The following PNPLA4 variants were observed in gnomAD, a reference collection of about 807,000 sequenced individuals.
PNPLA4 encodes the protein patatin like domain 4, phospholipase and triacylglycerol lipase.
A neutral mutation model predicts 18.3 loss-of-function variants in PNPLA4; 15 were observed. The observed-to-expected ratio is 0.82, with a 90% CI of 0.55 to 1.26. PNPLA4 has a LOEUF of 1.26. Ranked by LOEUF, PNPLA4 falls within the 50% of genes most tolerant of loss-of-function variation. The probability of loss-of-function intolerance (pLI) is 0.00; values close to 1 mark genes in which losing one functional copy is unlikely to be tolerated. For missense variants in PNPLA4, 229 were observed against 196.8 expected (o/e 1.16, Z -0.98); for synonymous variants, 88 against 85.6 (o/e 1.03, Z -0.16).
At chrX:7,903,223 T>C (rs1370414022) in intron 5 of PNPLA4, among the ~76,000 whole-genome samples, 1 of 111,831 alleles carries the variant, frequency 8.9e-6, no homozygotes, top group East Asian at 2.8e-4. Context: ...TCAACTCACT[T>C]AAAACCATGC....
At chrX:7,927,051 T>C (rs1924442115) in intron 1 of PNPLA4, among the ~76,000 whole-genome samples, 1 of 113,077 alleles carries the variant, frequency 8.8e-6, no homozygotes, top group Admixed American at 9.2e-5. Flanking sequence ...CGCCGCAGGC[T>C]GCGCTGGCGT....
In PNPLA4 at chrX:7,900,786, T is replaced by A; in HGVS notation, c.662A>T (p.Gln221Leu). ...LSLANLVRLN[Q>L]ALFPPSKRKM... ...CCTCTTGCTTGGGGGAAAAAGGGCT[T>A]GGTTGAGTCTCACCAGGTTTGCCAG... The change falls in exon 7 of 7, where the codon CAA becomes CTA. Residue 221 changes from glutamine (Q) to leucine (L), a missense_variant. Gln to Leu is a moderately radical substitution (Grantham distance 113). Coordinates refer to ENST00000381042, the MANE Select transcript of PNPLA4 (RefSeq NM_004650.3). The A allele has an allele frequency of 2.5e-6, 3 of 1,205,570 alleles. No homozygotes were observed. The highest frequency in any genetic ancestry group is 3.4e-6 in the Non-Finnish European group (3 of 891,392).
chrX:7,902,824 G>C (rs891221275), intron 5 of PNPLA4, among the ~76,000 whole-genome samples: 1 of 111,828 alleles, frequency 8.9e-6, no homozygotes, highest in Non-Finnish European at 1.9e-5. Flanking sequence ...TCAGCCCCTA[G>C]CTCTACAGAA....
chrX:7,902,283 G>C (rs891199920), intron 5 of PNPLA4, 142 bp from the exon 6 acceptor site: 8 of 509,742 alleles, frequency 1.6e-5, no homozygotes, highest in Non-Finnish European at 2.5e-5. Context: ...ATCTGTTCTG[G>C]GGGTAAAACA....
intron 4 of PNPLA4, among the ~76,000 whole-genome samples, chrX:7,912,828 T>C (rs781001092): frequency 8.9e-6 from 1 of 112,363 alleles, no homozygotes; most frequent in East Asian, 2.8e-4. Flanking sequence ...CTATAATCTT[T>C]CAACTGATAA....
rs2146766979 is a variant in PNPLA4 at position 7,921,777 on chromosome X, G to C, written c.347C>G (p.Thr116Ser). Residue 116 changes from threonine to serine, a missense_variant, in exon 4 of 7, where the codon ACC (threonine) becomes AGC (serine). Transcript: ENST00000381042. ...GTGATTTTCTCTGGTTTTGGCGTTG[G>C]TGATGGATACGTGCAGTCGGTTCTG... ...LAQNRLHVSITNAKTRENHLV... is the reference protein window; with the variant it reads ...LAQNRLHVSISNAKTRENHLV... The C allele has an allele frequency of 1.7e-6, 2 of 1,207,622 alleles. No individual in the cohort carries two copies. The highest frequency in any genetic ancestry group is 1.8e-5 in the South Asian group (1 of 56,885).
intron 5 of PNPLA4, among the ~76,000 whole-genome samples, chrX:7,904,802 A>AT (rs1923656090): frequency 8.9e-6 from 1 of 111,859 alleles, no homozygotes; most frequent in South Asian, 3.7e-4. Context: ...AGCTACTTCC[A>AT]TGAGCTTCTG....
At chrX:7,925,905 G>C in intron 2 of PNPLA4, 35 bp downstream of exon 2, 1 of 1,157,935 alleles carries the variant, frequency 8.6e-7, no homozygotes, top group Non-Finnish European at 1.2e-6. Context: ...TTAATTTCTT[G>C]ATGAGGAACA....
intron 5 of PNPLA4, among the ~76,000 whole-genome samples, chrX:7,910,133 A>G (rs1923827818): frequency 8.9e-6 from 1 of 112,234 alleles, no homozygotes; most frequent in Non-Finnish European, 1.9e-5. Flanking sequence ...CAGCATCTGA[A>G]TATGTGGAAT....
At position 7,902,045 on chromosome X, in the gene PNPLA4, G is replaced by A. The variant is rs1234899757; in HGVS notation, c.574C>T (p.Pro192Ser). Reference sequence around the variant, plus strand: ...AGATCTAGCTGCCCTTTGTCCTGCGGGGAGATGTCCAGTCGTCCACTGAAG... The same window carrying A: ...AGATCTAGCTGCCCTTTGTCCTGCGAGGAGATGTCCAGTCGTCCACTGAAG... Reference protein sequence around the residue: ...SPFSGRLDISPQDKGQLDLYV... With the variant: ...SPFSGRLDISSQDKGQLDLYV... The change falls in exon 6 of 7, where the codon CCG becomes TCG. Residue 192 changes from proline to serine, a missense_variant. Pro to Ser is a moderately conservative substitution (Grantham distance 74). Transcript: ENST00000381042. The A allele has an allele frequency of 8.3e-7, 1 of 1,209,357 alleles. No homozygotes were observed. The highest frequency in any genetic ancestry group is 1.7e-5 in the African/African-American group (1 of 57,639).
intron 4 of PNPLA4, among the ~76,000 whole-genome samples, chrX:7,917,008 G>C (rs1451741579): frequency 8.9e-6 from 1 of 112,156 alleles, no homozygotes; most frequent in African/African-American, 3.2e-5. Flanking sequence ...TCTGAACAAA[G>C]GAATGCCTTA....
rs369470682 is a variant in PNPLA4 at position 7,926,097 on chromosome X, A to C, written c.23T>G (p.Phe8Cys). MKHINLS[F>C]AACGFLGIYH... is the part of the protein sequence containing the mutation. ...AATGCCCAGAAATCCACACGCTGCAAATGATAGGTTGATGTGCTTCATTCT... is the reference window on the plus strand; with the variant it reads ...AATGCCCAGAAATCCACACGCTGCACATGATAGGTTGATGTGCTTCATTCT... The change falls in exon 2 of 7, where the codon TTT (phenylalanine) becomes TGT (cysteine). Residue 8 changes from phenylalanine (F) to cysteine (C), a missense_variant. Phe to Cys is a radical substitution (Grantham distance 205). Coordinates refer to ENST00000381042, the MANE Select transcript of PNPLA4 (RefSeq NM_004650.3). 8.3e-7 allele frequency: 1 copy of C among 1,210,307 alleles called. No homozygotes were observed. Among genetic ancestry groups the C allele is most frequent in the East Asian group, 3.0e-5 (1 of 33,840 alleles).
At chrX:7,911,377 G>A (rs1240646494) in intron 5 of PNPLA4, among the ~76,000 whole-genome samples, 1 of 111,770 alleles carries the variant, frequency 8.9e-6, no homozygotes, top group Non-Finnish European at 1.9e-5. Context: ...GCCTTGGGTC[G>A]AATGGTGAAT....
In PNPLA4 at chrX:7,899,380, A is replaced by G. The variant is rs1415855059; in HGVS notation, c.*1306T>C. ...TAAAAACAGATTTAGGATTTAAGAC[A>G]GTGTCAGTAAATTGGTACAAGCCCA... On this transcript the variant is annotated 3_prime_UTR_variant, in exon 7 of 7. Coordinates refer to ENST00000381042, the MANE Select transcript of PNPLA4 (RefSeq NM_004650.3). The G allele has an allele frequency of 9.0e-6, 1 of 110,526 alleles. No individual in the cohort carries two copies. The allele number at this position is 110,526 out of a possible 1,213,427, so 9.1% of individuals were successfully genotyped here.
intron 4 of PNPLA4, among the ~76,000 whole-genome samples, chrX:7,915,221 C>T (rs371405998): frequency 3.0e-4 from 31 of 103,769 alleles, no homozygotes; most frequent in African/African-American, 1.0e-3. Flanking sequence ...AACCTCAACA[C>T]GTCTACAGCA....
intron 1 of PNPLA4, 49 bp downstream of exon 1, chrX:7,927,237 G>T (rs1463830777): frequency 8.8e-6 from 1 of 113,609 alleles, no homozygotes; most frequent in African/African-American, 3.2e-5. Flanking sequence ...GGTGGTCCCC[G>T]CATCAGTCCC....
intron 4 of PNPLA4, among the ~76,000 whole-genome samples, chrX:7,918,548 A>G (rs1924114632): frequency 1.8e-5 from 2 of 110,751 alleles, no homozygotes; most frequent in South Asian, 7.7e-4. Flanking sequence ...GGCAAACCAT[A>G]TCAAGACCCC....
chrX:7,900,498 T>C lies in PNPLA4; in HGVS notation c.*188A>G. 3.2e-6 allele frequency: 1 copy of C among 310,343 alleles called. No individual in the cohort carries two copies. Among genetic ancestry groups the C allele is most frequent in the Admixed American group, 5.6e-5 (1 of 17,770 alleles). The allele number at this position is 310,343 out of a possible 1,213,427, so 25.6% of individuals were successfully genotyped here. A position where few individuals can be genotyped will look rare whatever the true frequency, so the allele number is the denominator to read the frequency against. ...CCTAAGTGTATCCTTCTTAATGACG[T>C]TGTCAAATTCTAATAAAGTGCCTCT... On this transcript the variant is annotated 3_prime_UTR_variant, in exon 7 of 7. Coordinates refer to ENST00000381042, the MANE Select transcript of PNPLA4 (RefSeq NM_004650.3).
At chrX:7,911,965 A>T in intron 5 of PNPLA4, 63 bp downstream of exon 5, 1 of 753,499 alleles carries the variant, frequency 1.3e-6, no homozygotes, top group Non-Finnish European at 2.0e-6. Flanking sequence ...ATAAAATTGG[A>T]TGTTTCAAAA....
Sources: allele counts gnomAD v4.1 joint callset (sites outside exome capture counted in the v4.1 genomes callset), GRCh38; gene constraint gnomAD v4.1.1; transcripts MANE v1.5; gene names NCBI Gene and HGNC (gene_info 2026-07-23, HGNC 2026-07-21).